The following SORCS2 variants were observed in gnomAD, a reference collection of about 807,000 sequenced individuals.
The protein encoded by SORCS2 is sortilin related VPS10 domain containing receptor 2.
In SORCS2, 100 loss-of-function variants were observed where a neutral mutation model predicts 141.6. The ratio of observed to expected loss-of-function variants is 0.71; its 90% CI spans 0.60 to 0.83. The LOEUF is 0.83. Ranked by LOEUF, SORCS2 falls within the 40% of genes least tolerant of loss-of-function variation. The probability of loss-of-function intolerance (pLI) is 0.00; values close to 1 mark genes in which losing one functional copy is unlikely to be tolerated. For synonymous variants in SORCS2, 789 were observed against 676.9 expected (o/e 1.17, Z -2.57); for missense variants, 1,646 against 1,560.2 (o/e 1.05, Z -0.93).
At chr4:7,250,596 C>T (rs1034797861) in intron 1 of SORCS2, among the ~76,000 whole-genome samples, 4 of 152,236 alleles carry the variant, frequency 2.6e-5, no homozygotes, top group Admixed American at 6.5e-5. Flanking sequence ...CAGGTCTCCC[C>T]GGCTGAGAGG....
At chr4:7,616,497 A>G (rs2062719189) in intron 3 of SORCS2, among the ~76,000 whole-genome samples, 1 of 151,936 alleles carries the variant, frequency 6.6e-6, no homozygotes, top group Non-Finnish European at 1.5e-5. Flanking sequence ...CCCTTCATCC[A>G]AGTGGGGTGG....
chr4:7,546,823 TC>T (rs1235269715), intron 3 of SORCS2, among the ~76,000 whole-genome samples: 1 of 152,186 alleles, frequency 6.6e-6, no homozygotes, highest in Non-Finnish European at 1.5e-5. Flanking sequence ...CAGAATTTCA[TC>T]CCTCTTCCCT....
chr4:7,724,443 A>T (rs1257427991), intron 19 of SORCS2, among the ~76,000 whole-genome samples: 6 of 45,588 alleles, frequency 1.3e-4, no homozygotes, highest in South Asian at 7.8e-4. Context: ...TAATGGTGAC[A>T]ATGGTGGTGG....
At chr4:7,512,194 G>C (rs973027597) in intron 2 of SORCS2, among the ~76,000 whole-genome samples, 1 of 152,078 alleles carries the variant, frequency 6.6e-6, no homozygotes, top group Non-Finnish European at 1.5e-5. Flanking sequence ...GCATCTGAGA[G>C]GCTCGCACAG....
intron 10 of SORCS2, among the ~76,000 whole-genome samples, chr4:7,685,688 A>AATATATATATATATATATATATAT (rs5855976): frequency 1.1e-4 from 17 of 149,710 alleles, no homozygotes; most frequent in African/African-American, 4.2e-4. Context: ...AAAATAAATA[A>AATATATATATATATATATATATAT]ATATATATAT....
chr4:7,712,602 C>T (rs529672017), intron 14 of SORCS2, 131 bp from the exon 15 acceptor site: 39 of 1,357,718 alleles, frequency 2.9e-5, no homozygotes, highest in Non-Finnish European at 3.8e-5. Context: ...TGATCTCCAG[C>T]AAGGGCAGGA....
chr4:7,472,980 A>G (rs2109350062), intron 2 of SORCS2, among the ~76,000 whole-genome samples: 1 of 151,842 alleles, frequency 6.6e-6, no homozygotes, highest in South Asian at 2.1e-4. Context: ...TATTTCATTG[A>G]TTCCTTTAAC....
In SORCS2 at chr4:7,726,827, G is replaced by T; in HGVS notation, c.2793G>T (p.Thr931=). 1.9e-6 allele frequency: 3 copies of T among 1,613,838 alleles called. No homozygotes were observed. Among genetic ancestry groups the T allele is most frequent in the South Asian group, 2.2e-5 (2 of 91,076 alleles). ...DNSVTTRFSD[T]GDVRVTVQAA... ...CTGTGACAACGCGGTTTTCGGACAC[G>T]GGCGACGTGCGTGTGACGGTGCAGG... Residue 931 remains threonine, a synonymous_variant, in exon 21 of 27, where the codon ACG becomes ACT. Transcript: ENST00000507866.
chr4:7,325,639 T>C (rs1719204258), intron 1 of SORCS2, among the ~76,000 whole-genome samples: 1 of 152,184 alleles, frequency 6.6e-6, no homozygotes, highest in South Asian at 2.1e-4. Context: ...ATGAGTTCAC[T>C]ATACCTTGGG....
intron 8 of SORCS2, 81 bp from the exon 9 acceptor site, chr4:7,675,969 C>A: frequency 6.8e-7 from 1 of 1,474,300 alleles, no homozygotes; most frequent in Non-Finnish European, 9.2e-7. Context: ...TGCACCCTCA[C>A]GGCCTGTGCA....
intron 1 of SORCS2, among the ~76,000 whole-genome samples, chr4:7,361,270 C>T (rs576679442): frequency 6.6e-6 from 1 of 152,214 alleles, no homozygotes; most frequent in South Asian, 2.1e-4. Context: ...GAAATATTGT[C>T]AAGGCAATGA....
At chr4:7,199,327 C>G (rs989516177) in intron 1 of SORCS2, among the ~76,000 whole-genome samples, 1 of 152,110 alleles carries the variant, frequency 6.6e-6, no homozygotes, top group Admixed American at 6.5e-5. Context: ...GCAGGGAGAG[C>G]AAGGTGGGGC....
At chr4:7,226,989 C>T (rs368624582) in intron 1 of SORCS2, among the ~76,000 whole-genome samples, 19 of 152,376 alleles carry the variant, frequency 1.2e-4, no homozygotes, top group South Asian at 1.2e-3. Context: ...GGTGCCACCG[C>T]GGTAGCAGCT....
chr4:7,675,778 G>A (rs2108950273), intron 8 of SORCS2, among the ~76,000 whole-genome samples: 1 of 152,168 alleles, frequency 6.6e-6, no homozygotes, highest in East Asian at 1.9e-4. Flanking sequence ...GGAGGAGGAG[G>A]TGTCCCCAGG....
At chr4:7,343,275 G>A (rs1720466714) in intron 1 of SORCS2, among the ~76,000 whole-genome samples, 1 of 152,218 alleles carries the variant, frequency 6.6e-6, no homozygotes, top group Non-Finnish European at 1.5e-5. Flanking sequence ...CCTGCATTTG[G>A]GTGTCATGCC....
intron 2 of SORCS2, among the ~76,000 whole-genome samples, chr4:7,445,813 A>T (rs983243366): frequency 6.6e-5 from 10 of 152,088 alleles, no homozygotes; most frequent in Non-Finnish European, 1.2e-4. Context: ...GACTCCAGAG[A>T]GGCCCAGGGA....
chr4:7,494,811 C>T (rs1050187328), intron 2 of SORCS2, among the ~76,000 whole-genome samples: 1 of 152,196 alleles, frequency 6.6e-6, no homozygotes, highest in African/African-American at 2.4e-5. Flanking sequence ...TCATCCGGTC[C>T]ACAGCTCCTG....
At chr4:7,554,800 C>G (rs1713983059) in intron 3 of SORCS2, among the ~76,000 whole-genome samples, 1 of 152,098 alleles carries the variant, frequency 6.6e-6, no homozygotes, top group South Asian at 2.1e-4. Flanking sequence ...GGGCAATGCA[C>G]AGGAAAGCAG....
intron 1 of SORCS2, among the ~76,000 whole-genome samples, chr4:7,198,423 T>A (rs1410140950): frequency 6.6e-6 from 1 of 152,200 alleles, no homozygotes; most frequent in Non-Finnish European, 1.5e-5. Context: ...CTTGGGGTTT[T>A]GTATTTAAGT....
Sources: allele counts gnomAD v4.1 joint callset (sites outside exome capture counted in the v4.1 genomes callset), GRCh38; gene constraint gnomAD v4.1.1; transcripts MANE v1.5; gene names NCBI Gene and HGNC (gene_info 2026-07-23, HGNC 2026-07-21).